The following GFOD1 variants were observed in gnomAD, a reference collection of about 807,000 sequenced individuals.
GFOD1 encodes Gfo/Idh/MocA-like oxidoreductase domain containing 1.
Under a neutral mutation model 25.4 loss-of-function variants are expected in GFOD1, and 9 were observed. The observed-to-expected ratio is 0.35, with a 90% CI of 0.21 to 0.62. The LOEUF (loss-of-function observed/expected upper bound fraction) is 0.62, where lower values mean the gene tolerates loss of function less well. Among genes scored for constraint, GFOD1 ranks in the 20% least tolerant of loss-of-function variants. The probability of loss-of-function intolerance (pLI) is 0.72; values close to 1 mark genes in which losing one functional copy is unlikely to be tolerated. For missense variants in GFOD1, 403 were observed against 556.9 expected (o/e 0.72, Z 2.78); for synonymous variants, 253 against 245.6 (o/e 1.03, Z -0.28).
intron 1 of GFOD1, among the ~76,000 whole-genome samples, chr6:13,466,658 G>A (rs972151124): frequency 7.2e-5 from 11 of 152,194 alleles, no homozygotes; most frequent in African/African-American, 2.7e-4. Flanking sequence ...TGATGGCACA[G>A]TACTTCTTCT....
chr6:13,413,098 C>T (rs968969518), intron 1 of GFOD1, among the ~76,000 whole-genome samples: 10 of 152,208 alleles, frequency 6.6e-5, no homozygotes, highest in African/African-American at 2.4e-4. Flanking sequence ...CAACATGTTC[C>T]GCTGGAGTGC....
chr6:13,448,681 G>T (rs1332461712), intron 1 of GFOD1, among the ~76,000 whole-genome samples: 1 of 152,208 alleles, frequency 6.6e-6, no homozygotes, highest in African/African-American at 2.4e-5. Flanking sequence ...CCTGCATGTT[G>T]TTTGCAGCAG....
chr6:13,445,487 T>C (rs535319548), intron 1 of GFOD1, among the ~76,000 whole-genome samples: 1 of 152,242 alleles, frequency 6.6e-6, no homozygotes, highest in South Asian at 2.1e-4. Flanking sequence ...GGAAACAAGC[T>C]CTTGTTTCAC....
intron 1 of GFOD1, chr6:13,407,907 C>T (rs1412306135): frequency 4.0e-6 from 3 of 758,052 alleles, no homozygotes; most frequent in African/African-American, 1.9e-5. Context: ...TCCCTGTACT[C>T]ACCCAACCAA....
intron 1 of GFOD1, among the ~76,000 whole-genome samples, chr6:13,464,861 CGTGTGTGTGTGTGTGTGTGTGTGTGT>C (rs36218477): frequency 6.8e-6 from 1 of 146,766 alleles, no homozygotes; most frequent in Admixed American, 6.7e-5. Context: ...TTCCTCTTTC[CGTGTGTGTGTGTGTGTGTGTGTGTGT>C]GTGTGTGTGT....
chr6:13,427,004 C>A lies in GFOD1; in HGVS notation c.253+59634G>T, dbSNP rs185831601. Among the ~76,000 whole-genome samples, 40 of 152,290 alleles carry A rather than the reference C, an allele frequency of 2.6e-4. 1 individual carries two copies. Among genetic ancestry groups the A allele is most frequent in the Admixed American group, 2.5e-3 (38 of 15,300 alleles). ...CAGAAATATAATCATATCTCTCTCA[C>A]AGTTATTGTGATGAGCGTGGCAAAG... On this transcript the variant is annotated intron_variant, in intron 1 of 1. Transcript: ENST00000379287.
intron 1 of GFOD1, among the ~76,000 whole-genome samples, chr6:13,447,468 G>T (rs143518869): frequency 2.0e-5 from 3 of 152,094 alleles, no homozygotes; most frequent in Non-Finnish European, 4.4e-5. Flanking sequence ...TGGGTGCAGT[G>T]GCTCACGCCT....
intron 1 of GFOD1, among the ~76,000 whole-genome samples, chr6:13,427,890 G>A (rs1562216007): frequency 2.6e-5 from 4 of 152,100 alleles, no homozygotes; most frequent in African/African-American, 4.8e-5. Context: ...GCTGAGCCTC[G>A]TGACATTGTG....
intron 1 of GFOD1, among the ~76,000 whole-genome samples, chr6:13,374,276 TGTGTG>T (rs1785211673): frequency 7.2e-6 from 1 of 139,242 alleles, no homozygotes; most frequent in African/African-American, 2.8e-5. Flanking sequence ...TTTTTTTTTG[TGTGTG>T]TGTGTGTGTG....
At chr6:13,476,516 A>G (rs1424356164) in intron 1 of GFOD1, among the ~76,000 whole-genome samples, 2 of 152,270 alleles carry the variant, frequency 1.3e-5, no homozygotes, top group Non-Finnish European at 2.9e-5. Flanking sequence ...ATATAAATTT[A>G]CTAAAAATAA....
At position 13,402,749 on chromosome 6, in the gene GFOD1, C is replaced by T. The variant is rs146968063; in HGVS notation, c.254-37087G>A. On this transcript the variant is annotated intron_variant, in intron 1 of 1. Coordinates refer to ENST00000379287, the MANE Select transcript of GFOD1 (RefSeq NM_018988.4). ...TCGTAAGAATGTACAATGGTGTAGC[C>T]ACTTTGAAAAGCATCCTGGCAACTC... Among the ~76,000 whole-genome samples, 48 of 152,274 alleles carry T rather than the reference C, an allele frequency of 3.2e-4. No homozygotes were observed. The East Asian group carries it at 8.7e-3, about 28-fold the overall frequency.
At chr6:13,375,234 G>C (rs1785234317) in intron 1 of GFOD1, among the ~76,000 whole-genome samples, 1 of 152,252 alleles carries the variant, frequency 6.6e-6, no homozygotes, top group African/African-American at 2.4e-5. Context: ...GCTGCCTTCT[G>C]ATCACCCTTC....
chr6:13,374,078 C>T (rs754273219), intron 1 of GFOD1, among the ~76,000 whole-genome samples: 1 of 152,084 alleles, frequency 6.6e-6, no homozygotes, highest in Non-Finnish European at 1.5e-5. Flanking sequence ...ATTTTGCATG[C>T]ATTTTCATGT....
intron 1 of GFOD1, among the ~76,000 whole-genome samples, chr6:13,395,057 A>G (rs541093644): frequency 6.6e-6 from 1 of 152,342 alleles, no homozygotes; most frequent in East Asian, 1.9e-4. Context: ...TATTGGGATT[A>G]CAGGTGTGAG....
intron 1 of GFOD1, among the ~76,000 whole-genome samples, chr6:13,381,045 G>A (rs1261173135): frequency 2.0e-5 from 3 of 152,210 alleles, no homozygotes; most frequent in Non-Finnish European, 4.4e-5. Flanking sequence ...AGCTGAATGA[G>A]ATGGGGGTTT....
At chr6:13,478,238 C>T (rs1466842050) in intron 1 of GFOD1, among the ~76,000 whole-genome samples, 2 of 152,132 alleles carry the variant, frequency 1.3e-5, no homozygotes, top group African/African-American at 4.8e-5. Context: ...CTCCTGGGTT[C>T]AAGCGATTCT....
intron 1 of GFOD1, among the ~76,000 whole-genome samples, chr6:13,412,426 C>A (rs1014690647): frequency 7.2e-5 from 11 of 152,168 alleles, no homozygotes; most frequent in Non-Finnish European, 7.3e-5. Flanking sequence ...GAACTTCCAG[C>A]CTCCAAAACT....
At chr6:13,439,737 TC>T (rs1757885559) in intron 1 of GFOD1, among the ~76,000 whole-genome samples, 2 of 152,308 alleles carry the variant, frequency 1.3e-5, no homozygotes. Context: ...ATGATGAAAC[TC>T]CACTATTGAG....
chr6:13,379,614 T>C (rs193230965), intron 1 of GFOD1, among the ~76,000 whole-genome samples: 5 of 152,320 alleles, frequency 3.3e-5, no homozygotes, highest in African/African-American at 1.2e-4. Flanking sequence ...AGCCTTTCTT[T>C]GTTCCTTGTG....
Sources: allele counts gnomAD v4.1 joint callset (sites outside exome capture counted in the v4.1 genomes callset), GRCh38; gene constraint gnomAD v4.1.1; transcripts MANE v1.5; gene names NCBI Gene and HGNC (gene_info 2026-07-23, HGNC 2026-07-21).